Variants in SPATS2 observed in about 807,000 individuals in gnomAD.
SPATS2 encodes the protein spermatogenesis associated serine rich 2.
In SPATS2, 38 loss-of-function variants were observed where a neutral mutation model predicts 63.7. The observed-to-expected ratio is 0.60, with a 90% CI of 0.46 to 0.78. The LOEUF (loss-of-function observed/expected upper bound fraction) is 0.78. Among genes scored for constraint, SPATS2 ranks in the 30% least tolerant of loss-of-function variants. The probability of loss-of-function intolerance (pLI) is 0.00; values close to 1 mark genes in which losing one functional copy is unlikely to be tolerated. For missense variants in SPATS2, 588 were observed against 666.2 expected (o/e 0.88, Z 1.29); for synonymous variants, 207 against 232.9 (o/e 0.89, Z 1.01).
At chr12:49,430,102 T>G (rs937119746) in intron 2 of SPATS2, among the ~76,000 whole-genome samples, 22 of 144,962 alleles carry the variant, frequency 1.5e-4, no homozygotes, top group Admixed American at 3.4e-4. Context: ...ATTTCTTGTT[T>G]TTTTTTTTTT....
At chr12:49,436,963 C>A (rs1317820612) in intron 2 of SPATS2, among the ~76,000 whole-genome samples, 2 of 146,766 alleles carry the variant, frequency 1.4e-5, no homozygotes, top group Non-Finnish European at 3.0e-5. Flanking sequence ...AGGGGGCTAA[C>A]CCCCCCACCT....
chr12:49,475,179 C>A (rs1316139895), intron 3 of SPATS2, among the ~76,000 whole-genome samples: 3 of 152,036 alleles, frequency 2.0e-5, no homozygotes, highest in African/African-American at 7.3e-5. Flanking sequence ...TAAGATGAGT[C>A]TGACAATATG....
intron 9 of SPATS2, among the ~76,000 whole-genome samples, chr12:49,507,248 T>G (rs893629555): frequency 6.6e-6 from 1 of 151,770 alleles, no homozygotes. Flanking sequence ...CACTGTGGGG[T>G]GGGGTTAATT....
intron 2 of SPATS2, chr12:49,390,178 T>A (rs1944395643): frequency 3.5e-6 from 5 of 1,439,434 alleles, no homozygotes; most frequent in Non-Finnish European, 4.7e-6. Flanking sequence ...AGCTTCTGAG[T>A]CTGTGAGCTT....
At chr12:49,465,440 C>G (rs1330285816) in intron 3 of SPATS2, among the ~76,000 whole-genome samples, 2 of 151,920 alleles carry the variant, frequency 1.3e-5, no homozygotes, top group African/African-American at 4.8e-5. Context: ...TTGTACTTCC[C>G]TAATGACTAA....
intron 2 of SPATS2, among the ~76,000 whole-genome samples, chr12:49,418,683 C>G (rs746986768): frequency 4.6e-5 from 7 of 152,152 alleles, no homozygotes; most frequent in Admixed American, 2.6e-4. Flanking sequence ...TCAAGTGATC[C>G]ATCTACCTCA....
chr12:49,413,972 A>G (rs1944843163), intron 2 of SPATS2, among the ~76,000 whole-genome samples: 1 of 152,216 alleles, frequency 6.6e-6, no homozygotes, highest in African/African-American at 2.4e-5. Context: ...TGGAGGGATC[A>G]GCCCTACTGC....
intron 2 of SPATS2, among the ~76,000 whole-genome samples, chr12:49,437,061 C>T (rs1312689180): frequency 6.6e-6 from 1 of 152,030 alleles, no homozygotes; most frequent in African/African-American, 2.4e-5. Context: ...AGACGCTCCT[C>T]ACTTCCCAGA....
At chr12:49,496,099 T>C (rs955954047) in intron 7 of SPATS2, among the ~76,000 whole-genome samples, 2 of 152,238 alleles carry the variant, frequency 1.3e-5, no homozygotes, top group African/African-American at 4.8e-5. Flanking sequence ...GCTGTTTAGG[T>C]GTTCTTTTAT....
rs554363469 is a variant in SPATS2, at chr12:49,470,722, A to G, written c.25+9685A>G. 4.6e-5 allele frequency among the ~76,000 whole-genome samples: 7 copies of G among 152,278 alleles called. No homozygotes were observed. The South Asian group carries it at 1.5e-3, about 32-fold the overall frequency. ...GTTACCTTTTTTTGAGTGTGTCCCA[A>G]CCACCTAGTACAGTTAGTTGTGTAT... is the stretch of plus-strand genomic sequence containing the variant. On this transcript the variant is annotated intron_variant, in intron 3 of 13. Transcript: ENST00000552918.
chr12:49,441,138 C>T (rs1383115151), intron 2 of SPATS2, among the ~76,000 whole-genome samples: 2 of 152,142 alleles, frequency 1.3e-5, no homozygotes, highest in African/African-American at 4.8e-5. Context: ...AAATGATCAT[C>T]GTTTTCTAAT....
intron 2 of SPATS2, among the ~76,000 whole-genome samples, chr12:49,424,941 A>G (rs1250334335): frequency 1.3e-5 from 2 of 152,194 alleles, no homozygotes; most frequent in African/African-American, 4.8e-5. Flanking sequence ...TTGGCCTCCC[A>G]AAGTGCTGGG....
intron 10 of SPATS2, among the ~76,000 whole-genome samples, chr12:49,515,034 T>A (rs963816530): frequency 6.6e-6 from 1 of 152,188 alleles, no homozygotes; most frequent in Admixed American, 6.5e-5. Context: ...CTCAGAACTT[T>A]CTTTGTTTTC....
intron 3 of SPATS2, among the ~76,000 whole-genome samples, chr12:49,465,326 C>T (rs1233569270): frequency 6.6e-6 from 1 of 151,976 alleles, no homozygotes; most frequent in African/African-American, 2.4e-5. Flanking sequence ...ATCAGGATTT[C>T]ATATTTTCCA....
At chr12:49,412,515 A>G (rs1452720654) in intron 2 of SPATS2, among the ~76,000 whole-genome samples, 1 of 152,102 alleles carries the variant, frequency 6.6e-6, no homozygotes, top group Non-Finnish European at 1.5e-5. Flanking sequence ...TTACTTAATA[A>G]TTTAAAAAAT....
chr12:49,493,621 T>C (rs1946420000), intron 6 of SPATS2, among the ~76,000 whole-genome samples: 1 of 152,152 alleles, frequency 6.6e-6, no homozygotes, highest in Admixed American at 6.5e-5. Context: ...CAGGTTGGTC[T>C]CAAACTCCTG....
chr12:49,423,737 G>A (rs1437832369), intron 2 of SPATS2, among the ~76,000 whole-genome samples: 8 of 152,104 alleles, frequency 5.3e-5, no homozygotes, highest in East Asian at 1.9e-4. Context: ...AGTAACTGTC[G>A]TACCCAAATT....
intron 2 of SPATS2, among the ~76,000 whole-genome samples, chr12:49,448,834 G>T (rs752538031): frequency 4.2e-4 from 63 of 151,610 alleles, no homozygotes; most frequent in Non-Finnish European, 7.2e-4. Context: ...TACTTTGTAT[G>T]ATTTCAATCA....
intron 2 of SPATS2, chr12:49,389,480 G>A: frequency 1.3e-6 from 1 of 783,026 alleles, no homozygotes; most frequent in Non-Finnish European, 2.3e-6. Flanking sequence ...ACAGCTGACG[G>A]CTGCGAGGGA....
Sources: allele counts gnomAD v4.1 joint callset (sites outside exome capture counted in the v4.1 genomes callset), GRCh38; gene constraint gnomAD v4.1.1; transcripts MANE v1.5; gene names NCBI Gene and HGNC (gene_info 2026-07-23, HGNC 2026-07-21).